HDAC4: variants seen among roughly 807,000 people sequenced by gnomAD.
HDAC4 encodes the protein histone deacetylase A.
Under a neutral mutation model 135.1 loss-of-function variants are expected in HDAC4, and 16 were observed. The ratio of observed to expected loss-of-function variants is 0.12; its 90% CI spans 0.08 to 0.18. HDAC4 has a LOEUF of 0.18. Among genes scored for constraint, HDAC4 ranks in the 10% least tolerant of loss-of-function variants. The probability of loss-of-function intolerance (pLI) is 1.00; values close to 1 mark genes in which losing one functional copy is unlikely to be tolerated. For missense variants in HDAC4, 1,143 were observed against 1,511.8 expected (o/e 0.76, Z 4.05); for synonymous variants, 685 against 653.4 (o/e 1.05, Z -0.74).
At chr2:239,180,629 G>C (rs921206724) in intron 4 of HDAC4, among the ~76,000 whole-genome samples, 2 of 152,202 alleles carry the variant, frequency 1.3e-5, no homozygotes, top group African/African-American at 4.8e-5. Flanking sequence ...CCAGACAAGG[G>C]ACAGAGACAG....
intron 5 of HDAC4, among the ~76,000 whole-genome samples, chr2:239,164,170 T>G (rs1299659642): frequency 6.6e-6 from 1 of 152,236 alleles, no homozygotes; most frequent in Non-Finnish European, 1.5e-5. Flanking sequence ...TCCGAAAGAC[T>G]TATTGTTAGC....
At position 239,245,700 on chromosome 2, in the gene HDAC4, C is replaced by A. The variant is rs991356244; in HGVS notation, c.23-9036G>T. Among the ~76,000 whole-genome samples the A allele has an allele frequency of 2.6e-5, 4 of 152,118 alleles. No homozygotes were observed. In the East Asian group the frequency reaches 7.7e-4, roughly 29 times the overall value. On this transcript the variant is annotated intron_variant, in intron 2 of 26. Transcript: ENST00000543185. This position sits in a 1 kb window ranked among gnomAD's most constrained non-coding sequence, Gnocchi z 4.4. ...ACTCGCTCTATGCACTGGTCTCTTTCCTTTCATATATCTTTGAAACTTTTC... is the reference window on the plus strand; with the variant it reads ...ACTCGCTCTATGCACTGGTCTCTTTACTTTCATATATCTTTGAAACTTTTC...
chr2:239,093,204 C>T lies in HDAC4; in HGVS notation c.2280+1806G>A, dbSNP rs117583629. On this transcript the variant is annotated intron_variant, in intron 17 of 26. Transcript: ENST00000543185. Reference sequence around the variant, plus strand: ...AAAGAGGTCAAAGCACTTTACAGCTCCCATTTCCCAGCGCCGAGGAGTGGT... The same window carrying T: ...AAAGAGGTCAAAGCACTTTACAGCTTCCATTTCCCAGCGCCGAGGAGTGGT... Among the ~76,000 whole-genome samples the T allele has an allele frequency of 5.1e-4, 78 of 152,330 alleles. No homozygotes were observed. The East Asian group carries it at 0.014, about 26-fold the overall frequency.
At chr2:239,179,907 C>T (rs937165063) in intron 4 of HDAC4, among the ~76,000 whole-genome samples, 10 of 152,252 alleles carry the variant, frequency 6.6e-5, no homozygotes, top group Admixed American at 3.9e-4. Flanking sequence ...TGCACATCAA[C>T]GTGCTTGTGC....
chr2:239,300,190 A>G (rs993796214), intron 2 of HDAC4, among the ~76,000 whole-genome samples: 1 of 152,144 alleles, frequency 6.6e-6, no homozygotes. Context: ...CCATTCCAGT[A>G]CAAGCATCCC....
intron 2 of HDAC4, among the ~76,000 whole-genome samples, chr2:239,335,068 A>G (rs1255433156): frequency 6.6e-6 from 1 of 151,796 alleles, no homozygotes; most frequent in Non-Finnish European, 1.5e-5. Flanking sequence ...GCAAAGGGCT[A>G]AAAAGAACCA....
Position 239,159,617 on chromosome 2 carries a change from C to T in HDAC4, c.612-2844G>A, listed in dbSNP as rs538070692. Among the ~76,000 whole-genome samples, 26 of 151,788 alleles carry T rather than the reference C, an allele frequency of 1.7e-4. 1 individual carries two copies. In the South Asian group the frequency reaches 3.1e-3, roughly 18 times the overall value. ...CACTCATACCCCACACTCACCTCAC[C>T]CACTGCACACACCCACATCCCCCAT... On this transcript the variant is annotated intron_variant, in intron 6 of 26. Transcript: ENST00000543185.
intron 2 of HDAC4, among the ~76,000 whole-genome samples, chr2:239,281,522 A>G (rs980010802): frequency 1.7e-4 from 24 of 137,292 alleles, no homozygotes; most frequent in Non-Finnish European, 3.2e-4. Flanking sequence ...TGAACACACC[A>G]CTCTACACTG....
chr2:239,117,183 G>A (rs1020600065), intron 12 of HDAC4, among the ~76,000 whole-genome samples: 2 of 152,226 alleles, frequency 1.3e-5, no homozygotes, highest in Non-Finnish European at 2.9e-5. Flanking sequence ...GGGCTGCAGC[G>A]TGGAAGGCCA....
rs560471033 is a variant in HDAC4, at chr2:239,085,038, A to C, written c.2445-796T>G. Among the ~76,000 whole-genome samples, 448 of 122,314 alleles carry C rather than the reference A, an allele frequency of 3.7e-3. 5 individuals are homozygous for C. The highest frequency in any genetic ancestry group is 0.014 in the African/African-American group (425 of 31,246). The allele number at this position is 122,314 out of a possible 152,430, so 80.2% of individuals were successfully genotyped here. ...CATCCACAGTTCCATACTGAGACAG[A>C]CAGACACACACACACACACACACAC... On this transcript the variant is annotated intron_variant, in intron 19 of 26. Transcript: ENST00000543185.
intron 3 of HDAC4, among the ~76,000 whole-genome samples, chr2:239,191,948 ATTG>A (rs1279063085): frequency 3.3e-5 from 5 of 152,186 alleles, no homozygotes; most frequent in Admixed American, 2.0e-4. Context: ...CCTCGTTGTT[ATTG>A]TTGTTTTTTA....
At chr2:239,278,250 G>A (rs955522963) in intron 2 of HDAC4, among the ~76,000 whole-genome samples, 4 of 151,846 alleles carry the variant, frequency 2.6e-5, no homozygotes, top group African/African-American at 4.8e-5. Context: ...TCACCCTGAG[G>A]ACCCTCCAGT....
rs778049179 is a variant in HDAC4 at position 239,331,818 on chromosome 2, G to A, written c.22+20860C>T. ...TGGAAAGAGGGCACACTCGGCCCGC[G>A]TGTCCTCCAGAGGCTGAGGAGCGGA... On this transcript the variant is annotated intron_variant, in intron 2 of 26. Transcript: ENST00000543185. The surrounding 1 kb of genome is among the most constrained non-coding windows in gnomAD (Gnocchi z 4.5). 5.9e-5 allele frequency among the ~76,000 whole-genome samples: 9 copies of A among 152,138 alleles called. No homozygotes were observed. Among genetic ancestry groups the A allele is most frequent in the Non-Finnish European group, 1.3e-4 (9 of 68,036 alleles).
chr2:239,377,811 G>A (rs1371442182), intron 1 of HDAC4, among the ~76,000 whole-genome samples: 3 of 152,118 alleles, frequency 2.0e-5, no homozygotes, highest in Non-Finnish European at 2.9e-5. Flanking sequence ...GCACGGCCAG[G>A]CAGACAAGCC....
At chr2:239,090,659 A>AC (rs1042154233) in intron 17 of HDAC4, among the ~76,000 whole-genome samples, 15 of 151,662 alleles carry the variant, frequency 9.9e-5, no homozygotes, top group Non-Finnish European at 2.1e-4. Context: ...GGAAAAAAAA[A>AC]AAACTGGAAA....
rs78087978 is a variant in HDAC4, at chr2:239,084,465, GCA to G, written c.2445-225_2445-224del. ...CAGACACACTCACACGCGTGCGCGCGCACACACACACACACACACACACAGCT... is the reference window on the plus strand; with the variant it reads ...CAGACACACTCACACGCGTGCGCGCGCACACACACACACACACACACAGCT... On this transcript the variant is annotated intron_variant, in intron 19 of 26. Transcript: ENST00000543185. 0.012 allele frequency among the ~76,000 whole-genome samples: 1,271 copies of G among 107,754 alleles called. 14 individuals carry two copies. Among genetic ancestry groups the G allele is most frequent in the South Asian group, 0.029 (101 of 3,456 alleles). The allele number at this position is 107,754 out of a possible 152,430, so 70.7% of individuals were successfully genotyped here.
In HDAC4 at chr2:239,139,832, C is replaced by T. The variant is rs758700591; in HGVS notation, c.866-36G>A. On this transcript the variant is annotated intron_variant, in intron 8 of 26. Transcript: ENST00000543185. The surrounding 1 kb of genome is among the most constrained non-coding windows in gnomAD (Gnocchi z 5.3). ...AGAAATACCCTGGTGAGTGTTACTCCATGCGGAGGGAGGGCCGTGCTGACC... is the reference window on the plus strand; with the variant it reads ...AGAAATACCCTGGTGAGTGTTACTCTATGCGGAGGGAGGGCCGTGCTGACC... 1.9e-6 allele frequency: 3 copies of T among 1,578,076 alleles called. No homozygotes were observed. The highest frequency in any genetic ancestry group is 2.6e-6 in the Non-Finnish European group (3 of 1,147,828).
chr2:239,150,723 CA>C (rs2042067984), intron 7 of HDAC4, among the ~76,000 whole-genome samples: 1 of 143,916 alleles, frequency 6.9e-6, no homozygotes, highest in Admixed American at 6.8e-5. Flanking sequence ...GAAGTCTCAC[CA>C]CGCTGCACCT....
intron 2 of HDAC4, among the ~76,000 whole-genome samples, chr2:239,332,775 C>T (rs527463109): frequency 7.2e-4 from 109 of 151,514 alleles, no homozygotes; most frequent in African/African-American, 2.6e-3. Flanking sequence ...ATCAAGAAAA[C>T]CAAACACAGT....
Sources: gnomAD v4.1 joint callset for allele counts (sites outside exome capture counted in the v4.1 genomes callset) on GRCh38, gnomAD v4.1.1 for gene constraint, Gnocchi (gnomAD v3.1) non-coding constraint, MANE v1.5 for transcripts, NCBI Gene and HGNC (gene_info 2026-07-23, HGNC 2026-07-21) for gene names.